The following WDR62 variants were observed in gnomAD, a reference collection of about 807,000 sequenced individuals.
WDR62 encodes the protein WD repeat-containing protein 62.
WDR62 carries 112 observed loss-of-function variants against 160.6 expected under a neutral mutation model. The ratio of observed to expected loss-of-function variants is 0.70; its 90% confidence interval spans 0.60 to 0.82. The LOEUF (loss-of-function observed/expected upper bound fraction) is 0.82, where lower values mean the gene tolerates loss of function less well. Among genes scored for constraint, WDR62 ranks in the 40% least tolerant of loss-of-function variants. WDR62 has a pLI of 0.00. For missense variants in WDR62, 1,819 were observed against 1,983.8 expected, an observed-to-expected ratio of 0.92 and a Z score of 1.58; for synonymous variants, 792 against 815.1, an observed-to-expected ratio of 0.97 and a Z score of 0.48.
chr19:36,056,929 A>G (rs1289612403), intron 1 of WDR62, among the ~76,000 whole-genome samples: 1 of 151,716 alleles, frequency 6.6e-6, no homozygotes, highest in Non-Finnish European at 1.5e-5. Context: ...TCCTGCCTCA[A>G]GCCTCCTGAG....
At chr19:36,074,683 C>T (rs1971483402) in intron 9 of WDR62, among the ~76,000 whole-genome samples, 1 of 152,160 alleles carries the variant, frequency 6.6e-6, no homozygotes, top group African/African-American at 2.4e-5. Context: ...GCCTATGACT[C>T]TGGTTGAATC....
At chr19:36,074,910 C>T (rs1971495370) in intron 9 of WDR62, 1 of 152,208 alleles carries the variant, frequency 6.6e-6, no homozygotes, top group African/African-American at 2.4e-5. Flanking sequence ...TTATGGGTGT[C>T]TTCAGTTGAT....
chr19:36,061,323 T>G (rs1970634338), intron 3 of WDR62: 2 of 152,204 alleles, frequency 1.3e-5, no homozygotes, highest in African/African-American at 4.8e-5. Context: ...TTTCAGAGCC[T>G]TGGTCTCCTC....
chr19:36,099,597 C>T lies in WDR62; in HGVS notation c.2719C>T (p.Leu907=). 1.2e-6 allele frequency: 2 copies of T among 1,614,208 alleles called. No homozygotes were observed. The highest frequency in any genetic ancestry group is 1.7e-6 in the Non-Finnish European group (2 of 1,180,044). The change falls in exon 22 of 32, where the codon CTG becomes TTG. Residue 907 remains leucine (L), a synonymous_variant. Coordinates refer to ENST00000401500, the MANE Select transcript of WDR62 (RefSeq NM_001083961.2). ...TCTGGATTCACTGGAGCCACAGAGCCTGGCCAGCCTGCTGAGTGAGGTACA... is the reference window on the plus strand; with the variant it reads ...TCTGGATTCACTGGAGCCACAGAGCTTGGCCAGCCTGCTGAGTGAGGTACA... The part of the protein sequence containing the change: ...SILDSLEPQS[L]ASLLSESESP...
At chr19:36,066,052 T>C (rs1568328521) in intron 4 of WDR62, 37 bp downstream of exon 4, 1 of 1,610,386 alleles carries the variant, frequency 6.2e-7, no homozygotes, top group South Asian at 1.1e-5. Context: ...AGTCGGGGGC[T>C]GGGGGGTCTT....
intron 8 of WDR62, 84 bp downstream of exon 8, chr19:36,071,800 A>C (rs998279900): frequency 6.6e-7 from 1 of 1,510,210 alleles, no homozygotes; most frequent in Non-Finnish European, 8.9e-7. Context: ...AGATCCATCT[A>C]TCTGTCTGTC....
intron 21 of WDR62, among the ~76,000 whole-genome samples, chr19:36,098,480 A>T (rs1203735837): frequency 1.3e-5 from 2 of 151,446 alleles, no homozygotes; most frequent in Non-Finnish European, 2.9e-5. Context: ...CAGGAGAATC[A>T]CTTGAACCCA....
chr19:36,063,648 T>A (rs969180492), intron 3 of WDR62, among the ~76,000 whole-genome samples: 1 of 152,202 alleles, frequency 6.6e-6, no homozygotes, highest in Admixed American at 6.5e-5. Context: ...AGGTTCTGCA[T>A]CTTTGGCAGG....
In WDR62 at chr19:36,067,876, C is replaced by G; in HGVS notation, c.748C>G (p.Leu250Val). Residue 250 changes from leucine (L) to valine (V), a missense_variant, in exon 7 of 32, where the codon CTG becomes GTG. Physicochemically the swap from Leu to Val is conservative, Grantham distance 32 (BLOSUM62 1). Coordinates refer to ENST00000401500, the MANE Select transcript of WDR62 (RefSeq NM_001083961.2). ...AGGGCGCTCGGGCATCCTGGGCGAG[C>G]TGCACAACAACATCTTCTGTGGTGT... ...LVGRSGILGE[L>V]HNNIFCGVAC... is the part of the protein sequence containing the mutation. 6.2e-7 allele frequency: 1 copy of G among 1,614,234 alleles called. No homozygotes were observed. The highest frequency in any genetic ancestry group is 8.5e-7 in the Non-Finnish European group (1 of 1,180,044).
At chr19:36,109,524 A>G (rs1289949767), downstream of WDR62, among the ~76,000 whole-genome samples, 1 of 152,012 alleles carries the variant, frequency 6.6e-6, no homozygotes, top group Non-Finnish European at 1.5e-5. Flanking sequence ...ACTCGAGGTC[A>G]GGAGTTTGAG....
rs762676045 is a variant in WDR62, at chr19:36,103,807, C to G, written c.3979C>G (p.Pro1327Ala). The G allele has an allele frequency of 6.2e-7, 1 of 1,608,580 alleles. No individual in the cohort carries two copies. Among genetic ancestry groups the G allele is most frequent in the South Asian group, 1.1e-5 (1 of 91,050 alleles). Residue 1327 changes from proline (P) to alanine (A), a missense_variant, in exon 30 of 32, where the codon CCA becomes GCA. By Grantham distance (27) the Pro-to-Ala change is conservative. Transcript: ENST00000401500. ...CGTCACCGTCCCTGCAGTGAGCTTCCCAGCCCCTAGCCCTGTGGAAGAGAG... is the reference window on the plus strand; with the variant it reads ...CGTCACCGTCCCTGCAGTGAGCTTCGCAGCCCCTAGCCCTGTGGAAGAGAG... The part of the protein sequence containing the change: ...PGVTVPAVSF[P>A]APSPVEESAL...
At chr19:36,109,626 T>C (rs1730498134), downstream of WDR62, among the ~76,000 whole-genome samples, 1 of 151,480 alleles carries the variant, frequency 6.6e-6, no homozygotes, top group South Asian at 2.1e-4. Flanking sequence ...CCCAGCTACT[T>C]GGGGGACTGA....
chr19:36,087,854 G>T (rs1460246472), intron 13 of WDR62, among the ~76,000 whole-genome samples: 2 of 152,148 alleles, frequency 1.3e-5, no homozygotes, highest in African/African-American at 4.8e-5. Context: ...GCTGGGCGTG[G>T]TGGCCGAAGT....
Position 36,083,061 on chromosome 19 carries a change from A to C in WDR62, c.1372-2A>C, listed in dbSNP as rs1727514435. The stretch of plus-strand genomic sequence containing the variant: ...CTGACCTCAGCCCTGTCCTTCCTGC[A>C]GACCCTGCTGAAGGTCGTGTACGTG... On this transcript the variant is annotated splice_acceptor_variant, in intron 10 of 31. Coordinates refer to ENST00000401500, the MANE Select transcript of WDR62 (RefSeq NM_001083961.2). LOFTEE classifies it high-confidence loss of function. 6.2e-7 allele frequency: 1 copy of C among 1,610,848 alleles called. No homozygotes were observed. The highest frequency in any genetic ancestry group is 8.5e-7 in the Non-Finnish European group (1 of 1,178,464).
intron 9 of WDR62, among the ~76,000 whole-genome samples, chr19:36,077,605 C>CT (rs111946488): frequency 2.9e-4 from 40 of 138,796 alleles, no homozygotes; most frequent in African/African-American, 4.3e-4. Flanking sequence ...CTCTTTCTTT[C>CT]TTTTTTTTTT....
intron 21 of WDR62, among the ~76,000 whole-genome samples, chr19:36,097,295 CAA>C (rs1401094208): frequency 1.3e-5 from 2 of 152,234 alleles, no homozygotes; most frequent in African/African-American, 4.8e-5. Flanking sequence ...GCAAGGGAAA[CAA>C]AAGTCTCTCC....
intron 26 of WDR62, chr19:36,102,473 A>G: frequency 1.7e-6 from 1 of 584,428 alleles, no homozygotes; most frequent in East Asian, 2.9e-5. Flanking sequence ...TGTTGGCCAG[A>G]CTGGTCTCAA....
Position 36,073,467 on chromosome 19 carries a change from A to G in WDR62, c.1169A>G (p.Asp390Gly), listed in dbSNP as rs781151383. 2.5e-5 allele frequency: 40 copies of G among 1,613,976 alleles called. No individual in the cohort carries two copies. The highest frequency in any genetic ancestry group is 2.1e-4 in the South Asian group (19 of 91,090). Residue 390 changes from aspartate (D) to glycine (G), a missense_variant, in exon 9 of 32, where the codon GAC (aspartate) becomes GGC (glycine). Physicochemically the swap from Asp to Gly is moderately conservative, Grantham distance 94. Transcript: ENST00000401500. ...DHSIYIWDVKDINRVGKVWSE... is the reference protein window; with the variant it reads ...DHSIYIWDVKGINRVGKVWSE... Reference sequence around the variant, plus strand: ...AGCATCTACATCTGGGATGTCAAGGACATCAACAGAGTGGGCAAGGTGTGG... The same window carrying G: ...AGCATCTACATCTGGGATGTCAAGGGCATCAACAGAGTGGGCAAGGTGTGG...
Position 36,071,679 on chromosome 19 carries a change from T to A in WDR62, c.1006T>A (p.Tyr336Asn). 1 of 1,614,182 alleles carries A rather than the reference T, an allele frequency of 6.2e-7. No individual in the cohort carries two copies. Among genetic ancestry groups the A allele is most frequent in the Non-Finnish European group, 8.5e-7 (1 of 1,180,024 alleles). ...CCTCGCCAACCTGCCCAAGCCACACTACCTTGGGGTAGACGTGGCACAGGG... is the reference window on the plus strand; with the variant it reads ...CCTCGCCAACCTGCCCAAGCCACACAACCTTGGGGTAGACGTGGCACAGGG... ...HYLANLPKPH[Y>N]LGVDVAQGLE... The change falls in exon 8 of 32, where the codon TAC (tyrosine) becomes AAC (asparagine). Residue 336 changes from tyrosine to asparagine, a missense_variant. Physicochemically the swap from Tyr to Asn is moderately radical, Grantham distance 143. Transcript: ENST00000401500.
Sources: allele counts gnomAD v4.1 joint callset (sites outside exome capture counted in the v4.1 genomes callset), GRCh38; gene constraint gnomAD v4.1.1; transcripts MANE v1.5; gene names NCBI Gene and HGNC (gene_info 2026-07-23, HGNC 2026-07-21).